Variants in CTNNA2 observed in about 807,000 individuals in gnomAD.
The protein encoded by CTNNA2 is catenin alpha 2.
Under a neutral mutation model 101.0 loss-of-function variants are expected in CTNNA2, and 42 were observed. The observed-to-expected ratio is 0.42, with a 90% CI of 0.32 to 0.54. CTNNA2 has a LOEUF of 0.54. Among genes scored for constraint, CTNNA2 ranks in the 20% least tolerant of loss-of-function variants. CTNNA2 has a pLI of 0.14. For synonymous variants in CTNNA2, 450 were observed against 456.4 expected (o/e 0.99, Z 0.18); for missense variants, 871 against 1,223.1 (o/e 0.71, Z 4.29).
intron 3 of CTNNA2, among the ~76,000 whole-genome samples, chr2:79,328,996 T>A (rs569608943): frequency 1.4e-4 from 21 of 151,704 alleles, no homozygotes; most frequent in Non-Finnish European, 2.9e-4. Context: ...GGTGTCTGTG[T>A]CTATGTGTCC....
intron 7 of CTNNA2, among the ~76,000 whole-genome samples, chr2:80,196,339 C>T (rs1024153023): frequency 4.6e-5 from 7 of 152,158 alleles, no homozygotes; most frequent in Admixed American, 3.3e-4. Context: ...TGCCAGCCAT[C>T]ATTTCAGCTT....
At chr2:80,301,003 C>T (rs2149203672) in intron 7 of CTNNA2, among the ~76,000 whole-genome samples, 1 of 152,032 alleles carries the variant, frequency 6.6e-6, no homozygotes, top group Non-Finnish European at 1.5e-5. Flanking sequence ...TGAGAAGAGG[C>T]AGCTTTTCTG....
At chr2:80,326,460 C>T (rs894357588) in intron 7 of CTNNA2, among the ~76,000 whole-genome samples, 1 of 152,006 alleles carries the variant, frequency 6.6e-6, no homozygotes, top group African/African-American at 2.4e-5. Context: ...AGATGTTGTC[C>T]TCTGCCATCC....
chr2:79,280,029 A>G (rs776724773), intron 2 of CTNNA2, among the ~76,000 whole-genome samples: 24 of 152,244 alleles, frequency 1.6e-4, no homozygotes, highest in Non-Finnish European at 2.5e-4. Flanking sequence ...ACTTATTTGC[A>G]TGTCTTTGTT....
intron 7 of CTNNA2, among the ~76,000 whole-genome samples, chr2:80,045,061 T>C (rs1696426322): frequency 6.6e-6 from 1 of 152,222 alleles, no homozygotes; most frequent in African/African-American, 2.4e-5. Flanking sequence ...AATGGGCCTA[T>C]GGCCTCTCCA....
chr2:79,528,430 A>G (rs1486308278), intron 1 of CTNNA2, among the ~76,000 whole-genome samples: 1 of 151,904 alleles, frequency 6.6e-6, no homozygotes, highest in African/African-American at 2.4e-5. Context: ...TATTGCCCAG[A>G]CTGAGAGTTT....
chr2:79,641,154 G>A (rs1397703084), intron 1 of CTNNA2, among the ~76,000 whole-genome samples: 1 of 152,154 alleles, frequency 6.6e-6, no homozygotes, highest in Non-Finnish European at 1.5e-5. Context: ...ACAAAGAGAA[G>A]TTGGGGCTTG....
Position 79,881,073 on chromosome 2 carries a change from C to A in CTNNA2, c.852+6731C>A, listed in dbSNP as rs553346194. ...TTTCTGCCTTAATTTCATTATTTAC[C>A]CAGGAGTCACTCAGGAGTAGGTTGT... On this transcript the variant is annotated intron_variant, in intron 6 of 18. Coordinates refer to ENST00000402739, the MANE Select transcript of CTNNA2 (RefSeq NM_001282597.3). 2.0e-5 allele frequency among the ~76,000 whole-genome samples: 3 copies of A among 152,112 alleles called. No individual in the cohort carries two copies. The South Asian group carries it at 6.2e-4, about 32-fold the overall frequency.
chr2:79,411,236 C>A (rs1317421175), intron 4 of CTNNA2, among the ~76,000 whole-genome samples: 1 of 151,564 alleles, frequency 6.6e-6, no homozygotes, highest in Non-Finnish European at 1.5e-5. Flanking sequence ...TTTTGATGAT[C>A]CTTTCAAAAA....
chr2:80,281,142 T>C (rs1674348999), intron 7 of CTNNA2, among the ~76,000 whole-genome samples: 1 of 152,138 alleles, frequency 6.6e-6, no homozygotes, highest in Admixed American at 6.5e-5. Flanking sequence ...ATCCCCAGGG[T>C]GACCAGAGAT....
intron 3 of CTNNA2, among the ~76,000 whole-genome samples, chr2:79,837,019 T>A (rs1278806399): frequency 1.3e-5 from 2 of 152,212 alleles, no homozygotes; most frequent in African/African-American, 2.4e-5. Flanking sequence ...AATTCGTAAG[T>A]ATTGGAAGTT....
chr2:80,299,854 T>C (rs1323461010), intron 7 of CTNNA2, among the ~76,000 whole-genome samples: 2 of 152,172 alleles, frequency 1.3e-5, no homozygotes, highest in African/African-American at 4.8e-5. Context: ...CCCACACAGC[T>C]CTTTAATGCA....
intron 2 of CTNNA2, among the ~76,000 whole-genome samples, chr2:79,722,534 A>C (rs1458942712): frequency 6.6e-6 from 1 of 152,166 alleles, no homozygotes; most frequent in African/African-American, 2.4e-5. Flanking sequence ...GATATCGGAG[A>C]TTATCTAACC....
intron 7 of CTNNA2, among the ~76,000 whole-genome samples, chr2:80,254,759 T>C (rs1253931153): frequency 6.6e-6 from 1 of 152,218 alleles, no homozygotes; most frequent in Non-Finnish European, 1.5e-5. Context: ...GTAGTGTATA[T>C]ATTTAATAAA....
At chr2:80,389,367 A>G (rs1194680187) in intron 7 of CTNNA2, among the ~76,000 whole-genome samples, 1 of 152,050 alleles carries the variant, frequency 6.6e-6, no homozygotes, top group Non-Finnish European at 1.5e-5. Context: ...AGGATCATGG[A>G]GGCTAATAAT....
intron 7 of CTNNA2, among the ~76,000 whole-genome samples, chr2:80,023,959 C>T (rs982912720): frequency 6.6e-6 from 1 of 151,198 alleles, no homozygotes; most frequent in Non-Finnish European, 1.5e-5. Flanking sequence ...TGGTGGTGGG[C>T]GCCTGTAGTC....
chr2:80,267,343 A>G (rs1673079163), intron 7 of CTNNA2, among the ~76,000 whole-genome samples: 1 of 152,230 alleles, frequency 6.6e-6, no homozygotes. Context: ...AAGTAAGAGA[A>G]ATGAAAATGA....
At chr2:79,280,657 A>AGAGAGAGAGAGAGAGAGAGAG (rs1334847406) in intron 2 of CTNNA2, among the ~76,000 whole-genome samples, 2 of 50,262 alleles carry the variant, frequency 4.0e-5, no homozygotes, top group Non-Finnish European at 7.6e-5. Context: ...GTGTGTGTGT[A>AGAGAGAGAGAGAGAGAGAGAG]AGAGAAAGAG....
At chr2:79,386,413 C>T (rs1215867696) in intron 4 of CTNNA2, among the ~76,000 whole-genome samples, 1 of 152,164 alleles carries the variant, frequency 6.6e-6, no homozygotes, top group Non-Finnish European at 1.5e-5. Context: ...AACATTTGTG[C>T]AGGTTTTCTC....
Sources: allele counts gnomAD v4.1 joint callset (sites outside exome capture counted in the v4.1 genomes callset), GRCh38; gene constraint gnomAD v4.1.1; transcripts MANE v1.5; gene names NCBI Gene and HGNC (gene_info 2026-07-23, HGNC 2026-07-21).